Variants in OR8U3 observed in about 807,000 individuals in gnomAD.
The protein encoded by OR8U3 is olfactory receptor family 8 subfamily U member 3.
For synonymous variants in OR8U3, 170 were observed against 147.0 expected, an observed-to-expected ratio of 1.16 and a Z score of -1.13; for missense variants, 429 against 388.6, an observed-to-expected ratio of 1.10 and a Z score of -0.88.
rs770615485 is a variant in OR8U3, at chr11:56,417,329, T to G, written c.904A>C (p.Lys302Gln). 2 of 1,596,372 alleles carry G rather than the reference T, an allele frequency of 1.3e-6. No homozygotes were observed. Among genetic ancestry groups the G allele is most frequent in the African/African-American group, 2.7e-5 (2 of 74,580 alleles). Residue 302 changes from lysine (K) to glutamine (Q), a missense_variant, in exon 1 of 1, where the codon AAG becomes CAG. Coordinates refer to ENST00000623286, the MANE Select transcript of OR8U3 (RefSeq NM_001004744.1). ...TCACAACCTTTATCCAAGGCTTTCT[T>G]TGAGGCATCTTTCACTTCTTTGTTC... is the stretch of plus-strand genomic sequence containing the variant. Reference protein sequence around the residue: ...LRNKEVKDASKKALDKGCENL... With the variant: ...LRNKEVKDASQKALDKGCENL...
rs760788614 is a variant in OR8U3 at position 56,417,475 on chromosome 11, C to G, written c.758G>C (p.Gly253Ala). The stretch of plus-strand genomic sequence containing the variant: ...CTGTAGGTACATAAAGATCAGTGTG[C>G]CATAGAAAATAGTGACAGTCACCAT... ...SHMVTVTIFY[G>A]TLIFMYLQPK... Residue 253 changes from glycine (G) to alanine (A), a missense_variant, in exon 1 of 1, where the codon GGC becomes GCC. Transcript: ENST00000623286. The G allele has an allele frequency of 1.9e-6, 3 of 1,613,728 alleles. No homozygotes were observed. In the South Asian group the frequency reaches 3.3e-5, roughly 18 times the overall value.
rs777221281 is a variant in OR8U3, at chr11:56,417,731, A to G, written c.502T>C (p.Tyr168His). Residue 168 changes from tyrosine to histidine, a missense_variant, in exon 1 of 1, where the codon TAC (tyrosine) becomes CAC (histidine). By Grantham distance (83) the Tyr-to-His change is moderately conservative. Transcript: ENST00000623286. ...TGGTTAATTAAGTTTGGGCCACAGT[A>G]AGTCAGACGGAAAGTGATAACGGTG... Reference protein sequence around the residue: ...FHTVITFRLTYCGPNLINHFY... With the variant: ...FHTVITFRLTHCGPNLINHFY... 2 of 1,614,044 alleles carry G rather than the reference A, an allele frequency of 1.2e-6. No homozygotes were observed. Among genetic ancestry groups the G allele is most frequent in the East Asian group, 2.2e-5 (1 of 44,872 alleles).
In OR8U3 at chr11:56,417,788, A is replaced by G; in HGVS notation, c.445T>C (p.Tyr149His). The change falls in exon 1 of 1, where the codon TAT becomes CAT. Residue 149 changes from tyrosine (Y) to histidine (H), a missense_variant. Transcript: ENST00000623286. The part of the protein sequence containing the change: ...RVCIQLVAVP[Y>H]IYSFLVALFH... ...AGGGCAACCAGGAAGCTGTATATAT[A>G]TGGAACTGCCACCAGTTGAATGCAG... The G allele has an allele frequency of 6.2e-7, 1 of 1,614,006 alleles. No homozygotes were observed. The highest frequency in any genetic ancestry group is 8.5e-7 in the Non-Finnish European group (1 of 1,179,922).
In OR8U3 at chr11:56,417,560, T is replaced by C; in HGVS notation, c.673A>G (p.Ile225Val). 1.9e-6 allele frequency: 3 copies of C among 1,613,816 alleles called. No homozygotes were observed. The highest frequency in any genetic ancestry group is 1.7e-4 in the Middle Eastern group (1 of 6,056). ...CCCTGAGTAGAGCGGATCCTTAGGATAGCGGCAATAATAAAGATGTAGGAG... is the reference window on the plus strand; with the variant it reads ...CCCTGAGTAGAGCGGATCCTTAGGACAGCGGCAATAATAAAGATGTAGGAG... ...LTSYIFIIAA[I>V]LRIRSTQGQH... The change falls in exon 1 of 1, where the codon ATC becomes GTC. Residue 225 changes from isoleucine (I) to valine (V), a missense_variant. By Grantham distance (29) the Ile-to-Val change is conservative. Transcript: ENST00000623286.
In OR8U3 at chr11:56,417,997, G is replaced by A. The variant is rs1188371796; in HGVS notation, c.236C>T (p.Pro79Leu). ...CACAACAAAATTCACCATCATCTTCGGTGTAATAGCAGAGGAGTAACAAAG... is the reference window on the plus strand; with the variant it reads ...CACAACAAAATTCACCATCATCTTCAGTGTAATAGCAGAGGAGTAACAAAG... ...VDLCYSSAITPKMMVNFVVER... is the reference protein window; with the variant it reads ...VDLCYSSAITLKMMVNFVVER... The change falls in exon 1 of 1, where the codon CCG becomes CTG. Residue 79 changes from proline to leucine, a missense_variant. Pro to Leu is a moderately conservative substitution (Grantham distance 98, BLOSUM62 -3). Transcript: ENST00000623286. The A allele has an allele frequency of 8.7e-6, 14 of 1,613,704 alleles. No homozygotes were observed. The highest frequency in any genetic ancestry group is 1.6e-4 in the Middle Eastern group (1 of 6,084).
rs1187277469 is a variant in OR8U3, at chr11:56,417,476, C to T, written c.757G>A (p.Gly253Ser). 1 of 1,613,692 alleles carries T rather than the reference C, an allele frequency of 6.2e-7. No individual in the cohort carries two copies. The highest frequency in any genetic ancestry group is 1.3e-5 in the African/African-American group (1 of 74,856). The change falls in exon 1 of 1, where the codon GGC (glycine) becomes AGC (serine). Residue 253 changes from glycine to serine, a missense_variant. By Grantham distance (56) the Gly-to-Ser change is moderately conservative. Coordinates refer to ENST00000623286, the MANE Select transcript of OR8U3 (RefSeq NM_001004744.1). ...TGTAGGTACATAAAGATCAGTGTGC[C>T]ATAGAAAATAGTGACAGTCACCATA... ...SHMVTVTIFY[G>S]TLIFMYLQPK...
At position 56,417,667 on chromosome 11, in the gene OR8U3, C is replaced by A; in HGVS notation, c.566G>T (p.Cys189Phe). ...CDDLPFLALS[C>F]SDTHMKEILI... Reference sequence around the variant, plus strand: ...AATTTCCTTCATGTGTGTGTCTGAGCAGGACAGAGCTAAGAAGGGGAGGTC... The same window carrying A: ...AATTTCCTTCATGTGTGTGTCTGAGAAGGACAGAGCTAAGAAGGGGAGGTC... Residue 189 changes from cysteine (C) to phenylalanine (F), a missense_variant, in exon 1 of 1, where the codon TGC (cysteine) becomes TTC (phenylalanine). Transcript: ENST00000623286. The A allele has an allele frequency of 6.2e-7, 1 of 1,613,864 alleles. No homozygotes were observed.
At position 56,418,057 on chromosome 11, in the gene OR8U3, A is replaced by G. The variant is rs191539368; in HGVS notation, c.176T>C (p.Met59Thr). The G allele has an allele frequency of 2.5e-6, 4 of 1,613,864 alleles. No individual in the cohort carries two copies. The highest frequency in any genetic ancestry group is 2.2e-5 in the East Asian group (1 of 44,864). Residue 59 changes from methionine (M) to threonine (T), a missense_variant, in exon 1 of 1, where the codon ATG (methionine) becomes ACG (threonine). Met to Thr is a moderately conservative substitution (Grantham distance 81, BLOSUM62 -1). Transcript: ENST00000623286. ...IKIDTRLHTP[M>T]YYFLSHLAFV... ...GGCCAGGTGGCTGAGGAAATAGTAC[A>G]TAGGTGTGTGGAGTCGAGTATCAAT...
Position 56,417,533 on chromosome 11 carries a change from G to A in OR8U3, c.700C>T (p.Gln234Ter), listed in dbSNP as rs768246225. Residue 234 changes from glutamine (Q) to a stop codon, truncating the protein, a stop_gained, in exon 1 of 1, where the codon CAA becomes TAA. Coordinates refer to ENST00000623286, the MANE Select transcript of OR8U3 (RefSeq NM_001004744.1). LOFTEE classifies it low-confidence loss of function (END_TRUNC). ...AILRIRSTQG[Q>*]HKAISTCGSH... ...CCACAGGTGGAAATGGCTTTGTGTT[G>A]CCCCTGAGTAGAGCGGATCCTTAGG... 6.2e-7 allele frequency: 1 copy of A among 1,613,950 alleles called. No individual in the cohort carries two copies. The highest frequency in any genetic ancestry group is 1.1e-5 in the South Asian group (1 of 91,084).
Position 56,418,179 on chromosome 11 carries a change from G to A in OR8U3, c.54C>T (p.Thr18=). 2 of 1,611,430 alleles carry A rather than the reference G, an allele frequency of 1.2e-6. No homozygotes were observed. Among genetic ancestry groups the A allele is most frequent in the Non-Finnish European group, 8.5e-7 (1 of 1,178,786 alleles). The change falls in exon 1 of 1, where the codon ACC becomes ACT. Residue 18 remains threonine (T), a synonymous_variant. Coordinates refer to ENST00000623286, the MANE Select transcript of OR8U3 (RefSeq NM_001004744.1). The part of the protein sequence containing the change: ...YVTVFILKGI[T]NRPELQAPCF... ...ACGGGGCCTGAAGCTCTGGCCGGTT[G>A]GTAATTCCTTTCAGAATGAATACAG...
In OR8U3 at chr11:56,418,215, G is replaced by C. The variant is rs749261947; in HGVS notation, c.18C>G (p.Ile6Met). 6.3e-7 allele frequency: 1 copy of C among 1,583,892 alleles called. No individual in the cohort carries two copies. Among genetic ancestry groups the C allele is most frequent in the African/African-American group, 1.4e-5 (1 of 73,360 alleles). The change falls in exon 1 of 1, where the codon ATC (isoleucine) becomes ATG (methionine). Residue 6 changes from isoleucine (I) to methionine (M), a missense_variant. Coordinates refer to ENST00000623286, the MANE Select transcript of OR8U3 (RefSeq NM_001004744.1). MAEVNIIYVTVFILKG... is the reference protein window; with the variant it reads MAEVNMIYVTVFILKG... ...TCAGAATGAATACAGTGACATAAATGATATTAACTTCAGCCATTTATCCTA... is the reference window on the plus strand; with the variant it reads ...TCAGAATGAATACAGTGACATAAATCATATTAACTTCAGCCATTTATCCTA...
chr11:56,417,807 A>C lies in OR8U3; in HGVS notation c.426T>G (p.Ile142Met). The change falls in exon 1 of 1, where the codon ATT (isoleucine) becomes ATG (methionine). Residue 142 changes from isoleucine (I) to methionine (M), a missense_variant. Transcript: ENST00000623286. The part of the protein sequence containing the change: ...YSTLMSRRVC[I>M]QLVAVPYIYS... ...ATATATATGGAACTGCCACCAGTTG[A>C]ATGCAGACTCTTCTTGACATCAGTG... 2 of 1,613,956 alleles carry C rather than the reference A, an allele frequency of 1.2e-6. No individual in the cohort carries two copies. The highest frequency in any genetic ancestry group is 1.7e-6 in the Non-Finnish European group (2 of 1,179,896).
rs778859834 is a variant in OR8U3 at position 56,418,036 on chromosome 11, A to G, written c.197T>C (p.Leu66Pro). 8.1e-6 allele frequency: 13 copies of G among 1,613,784 alleles called. 1 individual carries two copies. In the South Asian group the frequency reaches 1.4e-4, roughly 18 times the overall value. ...HTPMYYFLSH[L>P]AFVDLCYSSA... ...GGAGTAACAAAGGTCAACAAAGGCCAGGTGGCTGAGGAAATAGTACATAGG... is the reference window on the plus strand; with the variant it reads ...GGAGTAACAAAGGTCAACAAAGGCCGGGTGGCTGAGGAAATAGTACATAGG... The change falls in exon 1 of 1, where the codon CTG (leucine) becomes CCG (proline). Residue 66 changes from leucine (L) to proline (P), a missense_variant. Leu to Pro is a moderately conservative substitution (Grantham distance 98). Coordinates refer to ENST00000623286, the MANE Select transcript of OR8U3 (RefSeq NM_001004744.1).
At position 56,418,000 on chromosome 11, in the gene OR8U3, G is replaced by A; in HGVS notation, c.233C>T (p.Thr78Ile). The part of the protein sequence containing the change: ...FVDLCYSSAI[T>I]PKMMVNFVVE... Reference sequence around the variant, plus strand: ...AACAAAATTCACCATCATCTTCGGTGTAATAGCAGAGGAGTAACAAAGGTC... The same window carrying A: ...AACAAAATTCACCATCATCTTCGGTATAATAGCAGAGGAGTAACAAAGGTC... Residue 78 changes from threonine to isoleucine, a missense_variant, in exon 1 of 1, where the codon ACA (threonine) becomes ATA (isoleucine). Physicochemically the swap from Thr to Ile is moderately conservative, Grantham distance 89. Transcript: ENST00000623286. The A allele has an allele frequency of 6.2e-7, 1 of 1,613,868 alleles. No individual in the cohort carries two copies. The highest frequency in any genetic ancestry group is 8.5e-7 in the Non-Finnish European group (1 of 1,179,910).
At position 56,417,679 on chromosome 11, in the gene OR8U3, A is replaced by G; in HGVS notation, c.554T>C (p.Leu185Ser). The change falls in exon 1 of 1, where the codon TTA (leucine) becomes TCA (serine). Residue 185 changes from leucine to serine, a missense_variant. Coordinates refer to ENST00000623286, the MANE Select transcript of OR8U3 (RefSeq NM_001004744.1). ...GTGTGTGTCTGAGCAGGACAGAGCT[A>G]AGAAGGGGAGGTCATCACAATAGAA... ...NHFYCDDLPF[L>S]ALSCSDTHMK... is the part of the protein sequence containing the mutation. The G allele has an allele frequency of 6.2e-7, 1 of 1,613,868 alleles. No individual in the cohort carries two copies. The highest frequency in any genetic ancestry group is 8.5e-7 in the Non-Finnish European group (1 of 1,179,816).
chr11:56,418,046 G>A lies in OR8U3; in HGVS notation c.187C>T (p.Leu63Phe). Residue 63 changes from leucine (L) to phenylalanine (F), a missense_variant, in exon 1 of 1, where the codon CTC becomes TTC. Leu to Phe is a conservative substitution (Grantham distance 22, BLOSUM62 0). Coordinates refer to ENST00000623286, the MANE Select transcript of OR8U3 (RefSeq NM_001004744.1). ...TRLHTPMYYF[L>F]SHLAFVDLCY... ...AGGTCAACAAAGGCCAGGTGGCTGA[G>A]GAAATAGTACATAGGTGTGTGGAGT... 1 of 1,613,842 alleles carries A rather than the reference G, an allele frequency of 6.2e-7. No individual in the cohort carries two copies. The highest frequency in any genetic ancestry group is 2.2e-5 in the East Asian group (1 of 44,864).
rs1168372281 is a variant in OR8U3, at chr11:56,417,336, A to T, written c.897T>A (p.Asp299Glu). 1 of 1,602,680 alleles carries T rather than the reference A, an allele frequency of 6.2e-7. No individual in the cohort carries two copies. The highest frequency in any genetic ancestry group is 8.5e-7 in the Non-Finnish European group (1 of 1,171,446). Residue 299 changes from aspartate (D) to glutamate (E), a missense_variant, in exon 1 of 1, where the codon GAT (aspartate) becomes GAA (glutamate). By Grantham distance (45) the Asp-to-Glu change is conservative. Transcript: ENST00000623286. ...CTTTATCCAAGGCTTTCTTTGAGGC[A>T]TCTTTCACTTCTTTGTTCCTTAGAC... ...IYSLRNKEVK[D>E]ASKKALDKGC...
chr11:56,417,442 G>A lies in OR8U3; in HGVS notation c.791C>T (p.Ser264Leu), dbSNP rs760040516. 6.8e-6 allele frequency: 11 copies of A among 1,613,202 alleles called. No homozygotes were observed. Among genetic ancestry groups the A allele is most frequent in the South Asian group, 1.1e-5 (1 of 91,060 alleles). ...CTTGTCTGTGTCCAAGGAGTGATTT[G>A]ATTTGGGCTGTAGGTACATAAAGAT... ...TLIFMYLQPKSNHSLDTDKMA... is the reference protein window; with the variant it reads ...TLIFMYLQPKLNHSLDTDKMA... Residue 264 changes from serine (S) to leucine (L), a missense_variant, in exon 1 of 1, where the codon TCA becomes TTA. Ser to Leu is a moderately radical substitution (Grantham distance 145, BLOSUM62 -2). Transcript: ENST00000623286.
In OR8U3 at chr11:56,417,687, G is replaced by T; in HGVS notation, c.546C>A (p.Leu182=). The T allele has an allele frequency of 6.2e-7, 1 of 1,613,906 alleles. No homozygotes were observed. Among genetic ancestry groups the T allele is most frequent in the African/African-American group, 1.3e-5 (1 of 75,026 alleles). ...NLINHFYCDD[L]PFLALSCSDT... Reference sequence around the variant, plus strand: ...CTGAGCAGGACAGAGCTAAGAAGGGGAGGTCATCACAATAGAAATGGTTAA... The same window carrying T: ...CTGAGCAGGACAGAGCTAAGAAGGGTAGGTCATCACAATAGAAATGGTTAA... Residue 182 remains leucine (L), a synonymous_variant, in exon 1 of 1, where the codon CTC becomes CTA. Transcript: ENST00000623286.
Sources: gnomAD v4.1 joint callset for allele counts on GRCh38, gnomAD v4.1.1 for gene constraint, MANE v1.5 for transcripts, NCBI Gene and HGNC (gene_info 2026-07-23, HGNC 2026-07-21) for gene names.